SVEP1: variants seen among roughly 807,000 people sequenced by gnomAD.
SVEP1 encodes the protein sushi, von Willebrand factor type A, EGF and pentraxin domain-containing protein 1.
SVEP1 carries 164 observed loss-of-function variants against 367.3 expected under a neutral mutation model. The observed-to-expected ratio is 0.45, with a 90% CI of 0.39 to 0.51. The LOEUF (loss-of-function observed/expected upper bound fraction) is 0.51, where lower values mean the gene tolerates loss of function less well. Among genes scored for constraint, SVEP1 ranks in the 20% least tolerant of loss-of-function variants. The pLI is 0.00. For synonymous variants in SVEP1, 1,666 were observed against 1,611.6 expected (o/e 1.03, Z -0.81); for missense variants, 4,117 against 4,425.3 (o/e 0.93, Z 1.98).
At chr9:110,528,256 A>G (rs1829971829) in intron 3 of SVEP1, among the ~76,000 whole-genome samples, 1 of 143,232 alleles carries the variant, frequency 7.0e-6, no homozygotes, top group Non-Finnish European at 1.5e-5. Flanking sequence ...TGCAATTGTG[A>G]ATTGTGCTAT....
In SVEP1 at chr9:110,396,720, G is replaced by T. The variant is rs375675830; in HGVS notation, c.9822+4134C>A. Among the ~76,000 whole-genome samples the T allele has an allele frequency of 4.1e-3, 624 of 151,372 alleles. 4 individuals carry two copies. The highest frequency in any genetic ancestry group is 0.014 in the Middle Eastern group (4 of 294). On this transcript the variant is annotated intron_variant, in intron 40 of 47. Transcript: ENST00000374469. The stretch of plus-strand genomic sequence containing the variant: ...CATCAGAATACTATAAACACCTCTA[G>T]GCAAATAAACTAGAAAATCTAGAAG...
chr9:110,389,913 AAATATATGAATCATAGTGTATCAT>A (rs1041332894), intron 40 of SVEP1, among the ~76,000 whole-genome samples: 7 of 131,026 alleles, frequency 5.3e-5, no homozygotes, highest in Admixed American at 9.0e-5. Flanking sequence ...GTATTCTTAG[AAATATATGAATCATAGTGTATCAT>A]AATATATGTA....
chr9:110,513,908 A>G lies in SVEP1; in HGVS notation c.1123+40T>C, dbSNP rs565940565. 8 of 1,580,100 alleles carry G rather than the reference A, an allele frequency of 5.1e-6. No homozygotes were observed. In the African/African-American group the frequency reaches 9.4e-5, roughly 19 times the overall value. The stretch of plus-strand genomic sequence containing the variant: ...AAGCACTATTTCTCTCAGAGAAATC[A>G]GCTTTTATATTTCCCATTTTCCAAC... On this transcript the variant is annotated intron_variant, in intron 4 of 47. Transcript: ENST00000374469.
intron 1 of SVEP1, among the ~76,000 whole-genome samples, chr9:110,570,484 G>T (rs1167117696): frequency 6.6e-6 from 1 of 151,750 alleles, no homozygotes; most frequent in East Asian, 1.9e-4. Flanking sequence ...GTGTGTGTGT[G>T]TGTGTGTGTG....
In SVEP1 at chr9:110,579,262, C is replaced by A; in HGVS notation, c.282G>T (p.Val94=). ...GCTCGCTGCGGAAGTTGACTTCGCC[C>A]ACGCTGGACGAATCATCCACCAGGA... ...LVFLVDDSSS[V]GEVNFRSELM... Residue 94 remains valine (V), a synonymous_variant, in exon 1 of 48, where the codon GTG becomes GTT. Coordinates refer to ENST00000374469, the MANE Select transcript of SVEP1 (RefSeq NM_153366.4). This position sits in a 1 kb window ranked among gnomAD's most constrained non-coding sequence, Gnocchi z 5.3. The A allele has an allele frequency of 1.3e-6, 2 of 1,571,644 alleles. No individual in the cohort carries two copies. Among genetic ancestry groups the A allele is most frequent in the East Asian group, 2.4e-5 (1 of 42,310 alleles).
At chr9:110,493,529 C>G (rs1829401563) in intron 8 of SVEP1, among the ~76,000 whole-genome samples, 1 of 151,968 alleles carries the variant, frequency 6.6e-6, no homozygotes, top group Admixed American at 6.6e-5. Flanking sequence ...GTCAGGAGTT[C>G]GAGACCAGGC....
chr9:110,524,456 C>T (rs774467766), intron 3 of SVEP1, among the ~76,000 whole-genome samples: 2 of 152,078 alleles, frequency 1.3e-5, no homozygotes, highest in Admixed American at 6.6e-5. Context: ...AAGAATTATA[C>T]ATCATGATTA....
At chr9:110,415,625 C>A (rs1221558521) in intron 36 of SVEP1, among the ~76,000 whole-genome samples, 1 of 151,894 alleles carries the variant, frequency 6.6e-6, no homozygotes, top group South Asian at 2.1e-4. Flanking sequence ...CAATCAACTC[C>A]TTGGGGAAAA....
chr9:110,549,688 T>C (rs1830258838), intron 2 of SVEP1, among the ~76,000 whole-genome samples, 161 bp downstream of exon 2: 1 of 152,140 alleles, frequency 6.6e-6, no homozygotes, highest in Admixed American at 6.5e-5. Context: ...GTCATCTCTG[T>C]GAAGTTCAGC....
intron 3 of SVEP1, among the ~76,000 whole-genome samples, chr9:110,520,873 A>G (rs1829867751): frequency 6.6e-6 from 1 of 152,224 alleles, no homozygotes; most frequent in Non-Finnish European, 1.5e-5. Flanking sequence ...CATGAGCTGC[A>G]TTTAGGCTGT....
Position 110,579,544 on chromosome 9 carries a change from C to G in SVEP1, c.-1G>C. On this transcript the variant is annotated 5_prime_UTR_variant, in exon 1 of 48. Transcript: ENST00000374469. The surrounding 1 kb of genome is among the most constrained non-coding windows in gnomAD (Gnocchi z 5.3). ...AACAAAAGGCCAGGCGAGGCCACATCGCGCTGGAGACAGAGCGGCTGCCCC... is the reference window on the plus strand; with the variant it reads ...AACAAAAGGCCAGGCGAGGCCACATGGCGCTGGAGACAGAGCGGCTGCCCC... 1.3e-6 allele frequency: 2 copies of G among 1,592,466 alleles called. No individual in the cohort carries two copies. The highest frequency in any genetic ancestry group is 8.5e-7 in the Non-Finnish European group (1 of 1,171,638).
rs532512933 is a variant in SVEP1, at chr9:110,482,209, G to C, written c.2170+152C>G. Among the ~76,000 whole-genome samples the C allele has an allele frequency of 2.6e-5, 4 of 152,256 alleles. No individual in the cohort carries two copies. In the East Asian group the frequency reaches 7.7e-4, roughly 29 times the overall value. On this transcript the variant is annotated intron_variant, in intron 11 of 47. Transcript: ENST00000374469. ...CATTTATATCTATCACAAGGTCAAG[G>C]AATGACAATGGAAAACCTAAATAAA...
chr9:110,542,642 T>C (rs1830165796), intron 3 of SVEP1, among the ~76,000 whole-genome samples: 1 of 152,178 alleles, frequency 6.6e-6, no homozygotes, highest in Non-Finnish European at 1.5e-5. Flanking sequence ...AGTTAGACTG[T>C]AAGTCCCAAG....
intron 1 of SVEP1, 147 bp downstream of exon 1, chr9:110,578,866 G>A (rs1830656520): frequency 1.2e-6 from 1 of 860,114 alleles, no homozygotes; most frequent in East Asian, 2.7e-5. Flanking sequence ...GGCGGGTAGC[G>A]ATGACTCTGG....
At chr9:110,448,675 T>C (rs1828644312) in intron 24 of SVEP1, among the ~76,000 whole-genome samples, 1 of 152,232 alleles carries the variant, frequency 6.6e-6, no homozygotes, top group Non-Finnish European at 1.5e-5. Flanking sequence ...ACCTTTCTTC[T>C]AGTTAGGATT....
chr9:110,570,817 A>C lies in SVEP1; in HGVS notation c.531+8196T>G, dbSNP rs146382676. Among the ~76,000 whole-genome samples the C allele has an allele frequency of 2.6e-4, 40 of 152,134 alleles. No individual in the cohort carries two copies. In the East Asian group the frequency reaches 7.4e-3, roughly 28 times the overall value. On this transcript the variant is annotated intron_variant, in intron 1 of 47. Transcript: ENST00000374469. ...GAACTCTGATAATTTTTACTAAAAG[A>C]AGCATCATCTGCCCTAAGGACTAAG... is the stretch of plus-strand genomic sequence containing the variant.
chr9:110,485,862 CT>C (rs773715569), intron 9 of SVEP1, among the ~76,000 whole-genome samples: 6 of 152,218 alleles, frequency 3.9e-5, no homozygotes, highest in Non-Finnish European at 8.8e-5. Flanking sequence ...ATTAACTGAA[CT>C]GCACCTGTGA....
At chr9:110,505,121 C>T (rs182379025) in intron 5 of SVEP1, among the ~76,000 whole-genome samples, 8 of 152,272 alleles carry the variant, frequency 5.3e-5, no homozygotes, top group East Asian at 1.9e-4. Context: ...TGCATTTCCG[C>T]GGTTCTGCCA....
intron 37 of SVEP1, among the ~76,000 whole-genome samples, chr9:110,410,122 T>A (rs1828024092): frequency 6.6e-6 from 1 of 152,188 alleles, no homozygotes; most frequent in Non-Finnish European, 1.5e-5. Flanking sequence ...CTACTAAATC[T>A]AAGCAAAAGC....
Sources: allele counts gnomAD v4.1 joint callset (sites outside exome capture counted in the v4.1 genomes callset), GRCh38; gene constraint gnomAD v4.1.1; non-coding constraint Gnocchi (gnomAD v3.1); transcripts MANE v1.5; gene names NCBI Gene and HGNC (gene_info 2026-07-23, HGNC 2026-07-21).